DTNA: variants seen among roughly 807,000 people sequenced by gnomAD.
The protein encoded by DTNA is dystrobrevin alpha.
A neutral mutation model predicts 100.7 loss-of-function variants in DTNA; 43 were observed. The ratio of observed to expected loss-of-function variants is 0.43; its 90% confidence interval spans 0.33 to 0.55. The LOEUF is 0.55. Among genes scored for constraint, DTNA ranks in the 20% least tolerant of loss-of-function variants. The pLI, the probability that DTNA is intolerant of heterozygous loss-of-function variation, is 0.04. For missense variants in DTNA, 798 were observed against 953.9 expected, an observed-to-expected ratio of 0.84 and a Z score of 2.15; for synonymous variants, 349 against 347.9, an observed-to-expected ratio of 1.00 and a Z score of -0.04.
chr18:34,864,493 T>G (rs925781852), intron 17 of DTNA, among the ~76,000 whole-genome samples: 4 of 152,102 alleles, frequency 2.6e-5, no homozygotes, highest in African/African-American at 9.7e-5. Context: ...GACCTCGTGA[T>G]CCGCCCGCCT....
chr18:34,739,934 T>C (rs1330068485), intron 1 of DTNA, among the ~76,000 whole-genome samples: 1 of 152,150 alleles, frequency 6.6e-6, no homozygotes, highest in Non-Finnish European at 1.5e-5. Flanking sequence ...TGACGTGTTA[T>C]GCAGGTCTGG....
rs2076903156 is a variant in DTNA, at chr18:34,672,602, A to G, written c.-1-83374A>G. Among the ~76,000 whole-genome samples, 3 of 152,358 alleles carry G rather than the reference A, an allele frequency of 2.0e-5. No homozygotes were observed. The South Asian group carries it at 6.2e-4, about 32-fold the overall frequency. On this transcript the variant is annotated intron_variant, in intron 1 of 19. Coordinates refer to the DTNA transcript ENST00000283365. ...GTGAATAAAGGAGCGTTCAGCCACT[A>G]CTGATGTCTCATATCTTCATATGTA... is the stretch of plus-strand genomic sequence containing the variant.
At chr18:34,809,373 C>T (rs1413348393) in intron 5 of DTNA, among the ~76,000 whole-genome samples, 1 of 152,168 alleles carries the variant, frequency 6.6e-6, no homozygotes, top group African/African-American at 2.4e-5. Flanking sequence ...AGGAGAATCA[C>T]TTGAACCCAG....
At chr18:34,737,730 A>C (rs1367318617) in intron 1 of DTNA, 1 of 152,098 alleles carries the variant, frequency 6.6e-6, no homozygotes, top group African/African-American at 2.4e-5. Flanking sequence ...TGTGCATAGG[A>C]GTCTTCGCAG....
intron 1 of DTNA, among the ~76,000 whole-genome samples, chr18:34,548,173 A>G (rs773818239): frequency 2.6e-5 from 4 of 152,046 alleles, no homozygotes; most frequent in African/African-American, 4.8e-5. Context: ...GCTGCCTTAC[A>G]TGTATTTTTG....
At chr18:34,731,774 G>A (rs192850598) in intron 1 of DTNA, among the ~76,000 whole-genome samples, 10 of 152,238 alleles carry the variant, frequency 6.6e-5, no homozygotes, top group Admixed American at 2.6e-4. Flanking sequence ...ACAGTGCCTG[G>A]CCCACATATT....
At chr18:34,515,558 C>A (rs1292684775) in intron 1 of DTNA, among the ~76,000 whole-genome samples, 2 of 152,058 alleles carry the variant, frequency 1.3e-5, no homozygotes, top group African/African-American at 4.8e-5. Context: ...GTGGGGCATC[C>A]TGATCGCTGT....
intron 1 of DTNA, among the ~76,000 whole-genome samples, chr18:34,545,706 C>G (rs562857278): frequency 6.6e-6 from 1 of 152,006 alleles, no homozygotes; most frequent in South Asian, 2.1e-4. Flanking sequence ...ATCTTCTGCC[C>G]AACTCTAAGA....
At chr18:34,588,075 T>A (rs9953387) in intron 1 of DTNA, among the ~76,000 whole-genome samples, 16,039 of 152,120 alleles carry the variant, frequency 0.11, 1,243 homozygotes, top group African/African-American at 0.21. Flanking sequence ...CCTATCAAAG[T>A]AAACCAGTTG....
intron 11 of DTNA, among the ~76,000 whole-genome samples, chr18:34,832,911 G>C (rs1196909917): frequency 1.3e-5 from 2 of 152,056 alleles, no homozygotes; most frequent in Non-Finnish European, 2.9e-5. Flanking sequence ...ATACACTATA[G>C]ATAGTTACTT....
chr18:34,597,706 A>G (rs906217414), intron 1 of DTNA, among the ~76,000 whole-genome samples: 5 of 152,084 alleles, frequency 3.3e-5, no homozygotes, highest in East Asian at 1.9e-4. Flanking sequence ...ATCACATACA[A>G]TGGCTGCCTC....
chr18:34,646,639 A>G (rs1167594826), intron 1 of DTNA, among the ~76,000 whole-genome samples: 1 of 152,244 alleles, frequency 6.6e-6, no homozygotes, highest in Non-Finnish European at 1.5e-5. Flanking sequence ...CAGACCACGT[A>G]TTCAAATGAT....
upstream of DTNA, among the ~76,000 whole-genome samples, chr18:34,706,884 A>G (rs2082186046): frequency 6.6e-6 from 1 of 152,232 alleles, no homozygotes; most frequent in Non-Finnish European, 1.5e-5. Flanking sequence ...GGCCCAAGAA[A>G]CAATGTGCTT....
intron 21 of DTNA, 152 bp from the exon 22 acceptor site, chr18:34,884,576 T>G: frequency 1.1e-6 from 1 of 876,706 alleles, no homozygotes; most frequent in Non-Finnish European, 2.0e-6. Flanking sequence ...GAGCATACGG[T>G]TGTTGGATGG....
intron 10 of DTNA, 50 bp from the exon 11 acceptor site, chr18:34,829,350 G>C (rs1006972805): frequency 6.5e-7 from 1 of 1,533,334 alleles, no homozygotes; most frequent in Admixed American, 2.0e-5. Flanking sequence ...AGTGGGCCTT[G>C]CTCTGTCCAT....
chr18:34,564,136 A>C (rs994150384), intron 1 of DTNA, among the ~76,000 whole-genome samples: 2 of 151,326 alleles, frequency 1.3e-5, no homozygotes, highest in African/African-American at 4.9e-5. Context: ...TTCGACCAAC[A>C]TGTCCGTACT....
chr18:34,755,095 A>G lies in DTNA; in HGVS notation c.-1-881A>G, dbSNP rs145696877. On this transcript the variant is annotated intron_variant, in intron 1 of 22. Coordinates refer to ENST00000444659, the MANE Select transcript of DTNA (RefSeq NM_001386795.1). ...GTGGTAGACATACGTGTGCATCTAT[A>G]TATGTGCACATGAGAGGAAACTTTG... 2.6e-3 allele frequency among the ~76,000 whole-genome samples: 398 copies of G among 152,350 alleles called. 1 individual carries two copies. Among genetic ancestry groups the G allele is most frequent in the African/African-American group, 9.0e-3 (376 of 41,580 alleles).
intron 22 of DTNA, among the ~76,000 whole-genome samples, chr18:34,885,914 C>A (rs1192216990): frequency 1.3e-5 from 2 of 152,208 alleles, no homozygotes; most frequent in African/African-American, 4.8e-5. Flanking sequence ...TGACTTGGCA[C>A]ACTGTGGGCC....
At chr18:34,668,197 T>G (rs2076220429) in intron 1 of DTNA, among the ~76,000 whole-genome samples, 1 of 152,252 alleles carries the variant, frequency 6.6e-6, no homozygotes, top group Non-Finnish European at 1.5e-5. Context: ...TTCTAGATTT[T>G]CTAGTTTATT....
Sources: gnomAD v4.1 joint callset for allele counts (sites outside exome capture counted in the v4.1 genomes callset) on GRCh38, gnomAD v4.1.1 for gene constraint, MANE v1.5 for transcripts, NCBI Gene and HGNC (gene_info 2026-07-23, HGNC 2026-07-21) for gene names.